Variants in THSD7A observed in about 807,000 individuals in gnomAD.
THSD7A encodes the protein thrombospondin type-1 domain-containing protein 7A.
A neutral mutation model predicts 231.3 loss-of-function variants in THSD7A; 96 were observed. That is an observed-to-expected ratio of 0.41 (90% CI 0.35 to 0.49). THSD7A has a LOEUF of 0.49. Among genes scored for constraint, THSD7A ranks in the 20% least tolerant of loss-of-function variants. THSD7A has a pLI of 0.05. For synonymous variants in THSD7A, 940 were observed against 743.3 expected (o/e 1.26, Z -4.30); for missense variants, 2,290 against 2,070.2 (o/e 1.11, Z -2.06).
intron 6 of THSD7A, among the ~76,000 whole-genome samples, chr7:11,538,738 G>A (rs755809635): frequency 2.0e-5 from 3 of 151,926 alleles, no homozygotes; most frequent in Non-Finnish European, 2.9e-5. Flanking sequence ...TTTGTCTTGC[G>A]ACTCTCTTAC....
chr7:11,733,987 A>C (rs1000038922), intron 1 of THSD7A, among the ~76,000 whole-genome samples: 1 of 151,702 alleles, frequency 6.6e-6, no homozygotes, highest in African/African-American at 2.4e-5. Context: ...ACCTTCTTAA[A>C]GGCATATTTC....
chr7:11,404,615 G>A (rs1272566249), intron 22 of THSD7A, among the ~76,000 whole-genome samples: 1 of 152,186 alleles, frequency 6.6e-6, no homozygotes, highest in African/African-American at 2.4e-5. Flanking sequence ...TGAATTGTGT[G>A]TGAGATCTTA....
At chr7:11,659,852 T>G (rs1450105484) in intron 1 of THSD7A, among the ~76,000 whole-genome samples, 2 of 151,646 alleles carry the variant, frequency 1.3e-5, no homozygotes, top group African/African-American at 2.4e-5. Context: ...TTGCTAGATG[T>G]TCTGTCTAAG....
At chr7:11,657,972 C>T (rs1782770961) in intron 1 of THSD7A, among the ~76,000 whole-genome samples, 1 of 151,528 alleles carries the variant, frequency 6.6e-6, no homozygotes, top group Non-Finnish European at 1.5e-5. Flanking sequence ...CTATGGAGGT[C>T]AAGGTTATAG....
At chr7:11,766,016 T>C (rs996770728) in intron 1 of THSD7A, among the ~76,000 whole-genome samples, 1 of 152,176 alleles carries the variant, frequency 6.6e-6, no homozygotes, top group African/African-American at 2.4e-5. Flanking sequence ...GTACACAGTG[T>C]CAATTCAGTG....
intron 1 of THSD7A, chr7:11,751,370 A>G (rs946710513): frequency 6.6e-6 from 1 of 152,022 alleles, no homozygotes; most frequent in Non-Finnish European, 1.5e-5. Flanking sequence ...AACACTAGAA[A>G]AAGTGTCTTC....
At chr7:11,722,623 T>G (rs555904070) in intron 1 of THSD7A, among the ~76,000 whole-genome samples, 6 of 151,758 alleles carry the variant, frequency 4.0e-5, no homozygotes, top group Admixed American at 2.6e-4. Context: ...CCCACCAAAT[T>G]ATTTGTAAAA....
chr7:11,669,985 G>A (rs895161613), intron 1 of THSD7A, among the ~76,000 whole-genome samples: 3 of 152,068 alleles, frequency 2.0e-5, no homozygotes, highest in Non-Finnish European at 4.4e-5. Context: ...GTGTGTGTGT[G>A]TGTGTGTTTA....
chr7:11,434,023 C>G (rs1667190984), intron 13 of THSD7A, among the ~76,000 whole-genome samples: 1 of 152,024 alleles, frequency 6.6e-6, no homozygotes. Flanking sequence ...ACAACATTCA[C>G]TAATTGCCTG....
chr7:11,801,187 T>C (rs1358973273), intron 1 of THSD7A, among the ~76,000 whole-genome samples: 3 of 152,094 alleles, frequency 2.0e-5, no homozygotes, highest in African/African-American at 7.2e-5. Context: ...TGTGTGCCAT[T>C]TGCATATTAG....
At chr7:11,676,373 C>T (rs1361506267) in intron 1 of THSD7A, among the ~76,000 whole-genome samples, 1 of 152,164 alleles carries the variant, frequency 6.6e-6, no homozygotes, top group African/African-American at 2.4e-5. Flanking sequence ...CAAAGGATCA[C>T]AATTCCTCAC....
At position 11,769,153 on chromosome 7, in the gene THSD7A, A is replaced by ATATATATATTT; in HGVS notation, c.190+62603_190+62604insAAATATATATA. 3.0e-3 allele frequency among the ~76,000 whole-genome samples: 83 copies of ATATATATATTT among 27,628 alleles called. 2 individuals carry two copies. The highest frequency in any genetic ancestry group is 3.9e-3 in the Non-Finnish European group (56 of 14,378). The allele number at this position is 27,628 out of a possible 152,430, so 18.1% of individuals were successfully genotyped here. A position where few individuals can be genotyped will look rare whatever the true frequency, so the allele number is the denominator to read the frequency against. ...TATATATATATATATATATATATAT[A>ATATATATATTT]TTTTTTTTTTTTTTTGGTATTTTTG... On this transcript the variant is annotated intron_variant, in intron 1 of 27. Transcript: ENST00000423059.
Position 11,769,135 on chromosome 7 carries a change from A to ATTTT in THSD7A, c.190+62621_190+62622insAAAA, listed in dbSNP as rs1562541189. Among the ~76,000 whole-genome samples the ATTTT allele has an allele frequency of 5.5e-4, 20 of 36,598 alleles. 2 individuals are homozygous for ATTTT. Among genetic ancestry groups the ATTTT allele is most frequent in the Non-Finnish European group, 9.8e-4 (16 of 16,330 alleles). 24.0% of individuals were successfully genotyped at this position (36,598 alleles called of 152,430 possible). A position where few individuals can be genotyped will look rare whatever the true frequency, so the allele number is the denominator to read the frequency against. ...ATAATTCCTGGCAATATATATATAT[A>ATTTT]TATATATATATATATATATTTTTTT... On this transcript the variant is annotated intron_variant, in intron 1 of 27. Coordinates refer to ENST00000423059, the MANE Select transcript of THSD7A (RefSeq NM_015204.3).
Position 11,681,490 on chromosome 7 carries a change from A to T in THSD7A, c.191-44529T>A, listed in dbSNP as rs188010229. On this transcript the variant is annotated intron_variant, in intron 1 of 27. Coordinates refer to ENST00000423059, the MANE Select transcript of THSD7A (RefSeq NM_015204.3). ...GGAAGCCCCAATAATAAATTAAGCC[A>T]AGTAGAAGAAAGAATTTCAGAGCCT... 3.7e-4 allele frequency among the ~76,000 whole-genome samples: 57 copies of T among 152,182 alleles called. No homozygotes were observed. The East Asian group carries it at 0.01, about 28-fold the overall frequency.
intron 1 of THSD7A, among the ~76,000 whole-genome samples, chr7:11,712,021 C>T (rs1780982449): frequency 6.6e-6 from 1 of 151,014 alleles, no homozygotes; most frequent in South Asian, 2.1e-4. Context: ...ACCTTCCTCC[C>T]AGCTAAGAAG....
At chr7:11,461,361 T>C (rs1225375875) in intron 10 of THSD7A, among the ~76,000 whole-genome samples, 3 of 152,222 alleles carry the variant, frequency 2.0e-5, no homozygotes, top group Non-Finnish European at 4.4e-5. Context: ...ATTTATTTTG[T>C]GATTACATTT....
chr7:11,489,277 G>A (rs62438208), intron 6 of THSD7A, among the ~76,000 whole-genome samples: 11,332 of 152,086 alleles, frequency 0.075, 543 homozygotes, highest in Non-Finnish European at 0.1. Context: ...TCTAATTGTT[G>A]GCTTACTAGA....
At chr7:11,646,408 C>T (rs570342383) in intron 1 of THSD7A, among the ~76,000 whole-genome samples, 1 of 152,088 alleles carries the variant, frequency 6.6e-6, no homozygotes, top group South Asian at 2.1e-4. Context: ...GATTTGAAGA[C>T]ATGACAAGTC....
At chr7:11,517,426 T>TAAAA (rs35838306) in intron 6 of THSD7A, among the ~76,000 whole-genome samples, 2 of 149,176 alleles carry the variant, frequency 1.3e-5, no homozygotes, top group Non-Finnish European at 3.0e-5. Context: ...TTTAAAGAGT[T>TAAAA]AAAAAAAAAA....
Sources: gnomAD v4.1 joint callset for allele counts (sites outside exome capture counted in the v4.1 genomes callset) on GRCh38, gnomAD v4.1.1 for gene constraint, MANE v1.5 for transcripts, NCBI Gene and HGNC (gene_info 2026-07-23, HGNC 2026-07-21) for gene names.